SLCO3A1: variants seen among roughly 807,000 people sequenced by gnomAD.
SLCO3A1 encodes solute carrier organic anion transporter family member 3A1, also known as PGE1 transporter.
In SLCO3A1, 27 loss-of-function variants were observed where a neutral mutation model predicts 63.1. The ratio of observed to expected loss-of-function variants is 0.43; its 90% CI spans 0.32 to 0.59. The LOEUF is 0.59. SLCO3A1 is among the 20% of genes least tolerant of loss of function. SLCO3A1 has a pLI of 0.09. For synonymous variants in SLCO3A1, 473 were observed against 409.9 expected (o/e 1.15, Z -1.86); for missense variants, 773 against 945.8 (o/e 0.82, Z 2.40).
intron 2 of SLCO3A1, among the ~76,000 whole-genome samples, chr15:92,076,840 T>C (rs79085742): frequency 2.0e-5 from 3 of 152,134 alleles, no homozygotes; most frequent in African/African-American, 4.8e-5. Context: ...TTAATATGTT[T>C]TGGGAAGATG....
chr15:91,877,019 G>A (rs1483853880), intron 1 of SLCO3A1, among the ~76,000 whole-genome samples: 1 of 152,212 alleles, frequency 6.6e-6, no homozygotes, highest in Non-Finnish European at 1.5e-5. Context: ...AATACCATAA[G>A]TTTCTTCTGC....
intron 1 of SLCO3A1, among the ~76,000 whole-genome samples, chr15:91,879,191 G>C (rs886738550): frequency 1.3e-5 from 2 of 152,126 alleles, no homozygotes; most frequent in South Asian, 4.1e-4. Context: ...TTGGCATAAG[G>C]GTTCTACTAA....
chr15:92,024,446 A>G (rs2046546482), intron 2 of SLCO3A1, among the ~76,000 whole-genome samples: 1 of 152,174 alleles, frequency 6.6e-6, no homozygotes, highest in Non-Finnish European at 1.5e-5. Context: ...AGTGAGTTAG[A>G]CAGTTTTGGA....
At chr15:92,114,900 C>T (rs1487453476) in intron 4 of SLCO3A1, among the ~76,000 whole-genome samples, 1 of 152,166 alleles carries the variant, frequency 6.6e-6, no homozygotes, top group Admixed American at 6.5e-5. Context: ...GAATTTATAG[C>T]CTCTCAATGA....
rs1022278526 is a variant in SLCO3A1 at position 91,856,506 on chromosome 15, A to T, written c.180+2418A>T. 3.3e-5 allele frequency among the ~76,000 whole-genome samples: 5 copies of T among 152,164 alleles called. No individual in the cohort carries two copies. The highest frequency in any genetic ancestry group is 6.5e-5 in the Admixed American group (1 of 15,286). On this transcript the variant is annotated intron_variant, in intron 1 of 9. Transcript: ENST00000318445. The surrounding 1 kb of genome is among the most constrained non-coding windows in gnomAD (Gnocchi z 4.9). ...TGTTATTTGGGAGATGGGGAAAAAA[A>T]GTTTGCTCCTTCAGCCATGCGAGAC...
chr15:92,002,703 G>A (rs183306348), intron 2 of SLCO3A1, among the ~76,000 whole-genome samples: 21 of 152,288 alleles, frequency 1.4e-4, no homozygotes, highest in African/African-American at 3.6e-4. Flanking sequence ...AAGGGCCTGC[G>A]ATGGGCAGGA....
At chr15:91,979,204 T>A (rs980558073) in intron 2 of SLCO3A1, among the ~76,000 whole-genome samples, 8 of 152,292 alleles carry the variant, frequency 5.3e-5, no homozygotes, top group African/African-American at 1.7e-4. Flanking sequence ...TTTTTTTTTT[T>A]AATTTTGGAA....
downstream of SLCO3A1, among the ~76,000 whole-genome samples, chr15:92,168,163 TG>T (rs1486699246): frequency 6.6e-6 from 1 of 152,156 alleles, no homozygotes; most frequent in Non-Finnish European, 1.5e-5. Context: ...AGGGTCTGTC[TG>T]GGGATAAGGA....
chr15:92,009,718 T>A (rs952009983), intron 2 of SLCO3A1, among the ~76,000 whole-genome samples: 12 of 152,222 alleles, frequency 7.9e-5, no homozygotes, highest in African/African-American at 2.9e-4. Flanking sequence ...AGAACTTACC[T>A]CCTTCTAAAA....
At chr15:91,899,620 A>G (rs1479744132) in intron 1 of SLCO3A1, among the ~76,000 whole-genome samples, 1 of 152,122 alleles carries the variant, frequency 6.6e-6, no homozygotes, top group East Asian at 1.9e-4. Context: ...ATTGGGGTAT[A>G]ATTTATATAC....
intron 2 of SLCO3A1, among the ~76,000 whole-genome samples, chr15:92,060,082 A>C (rs553426042): frequency 1.3e-5 from 2 of 152,174 alleles, no homozygotes; most frequent in African/African-American, 4.8e-5. Flanking sequence ...TACAGCATAA[A>C]AGATAAACAG....
intron 2 of SLCO3A1, among the ~76,000 whole-genome samples, chr15:92,052,839 A>G (rs2046973819): frequency 2.6e-5 from 4 of 151,738 alleles, no homozygotes; most frequent in Admixed American, 2.6e-4. Context: ...TTTTCCTTTT[A>G]CAGGTTGAAA....
chr15:92,024,981 C>T (rs1410713345), intron 2 of SLCO3A1, among the ~76,000 whole-genome samples: 2 of 152,078 alleles, frequency 1.3e-5, no homozygotes, highest in East Asian at 3.9e-4. Flanking sequence ...ATCCATCCAG[C>T]CAACCAGCCA....
At chr15:92,003,508 G>C (rs895250764) in intron 2 of SLCO3A1, among the ~76,000 whole-genome samples, 6 of 152,180 alleles carry the variant, frequency 3.9e-5, no homozygotes, top group African/African-American at 7.2e-5. Flanking sequence ...TCCCATCAGA[G>C]GATGTCTCAT....
intron 2 of SLCO3A1, among the ~76,000 whole-genome samples, chr15:92,007,633 C>T (rs1008519547): frequency 1.3e-5 from 2 of 152,142 alleles, no homozygotes; most frequent in Non-Finnish European, 2.9e-5. Context: ...ACGCTAAGAA[C>T]CTCTCGCAGA....
intron 2 of SLCO3A1, among the ~76,000 whole-genome samples, chr15:91,979,519 AC>A (rs1901253280): frequency 6.6e-6 from 1 of 152,164 alleles, no homozygotes; most frequent in Non-Finnish European, 1.5e-5. Context: ...AGTTAGCAGA[AC>A]CTTTCTTCTT....
intron 2 of SLCO3A1, among the ~76,000 whole-genome samples, chr15:91,966,079 C>T (rs147251674): frequency 2.3e-4 from 35 of 152,236 alleles, no homozygotes; most frequent in African/African-American, 7.9e-4. Context: ...TTTTGGCAGC[C>T]GCAGGGCATT....
intron 2 of SLCO3A1, among the ~76,000 whole-genome samples, chr15:91,921,500 T>G (rs542788729): frequency 6.6e-6 from 1 of 152,284 alleles, no homozygotes; most frequent in South Asian, 2.1e-4. Context: ...GGTAAGGAGC[T>G]GTATTGTAAT....
At chr15:92,113,994 C>A (rs991978085) in intron 4 of SLCO3A1, among the ~76,000 whole-genome samples, 1 of 152,176 alleles carries the variant, frequency 6.6e-6, no homozygotes, top group Non-Finnish European at 1.5e-5. Context: ...GTTTTCAAAG[C>A]CTCCTAGATG....
Sources: gnomAD v4.1 joint callset for allele counts (sites outside exome capture counted in the v4.1 genomes callset) on GRCh38, gnomAD v4.1.1 for gene constraint, Gnocchi (gnomAD v3.1) non-coding constraint, MANE v1.5 for transcripts, NCBI Gene and HGNC (gene_info 2026-07-23, HGNC 2026-07-21) for gene names.